The following AGO1 variants were observed in gnomAD, a reference collection of about 807,000 sequenced individuals.
The protein encoded by AGO1 is protein argonaute-1.
AGO1 carries 11 observed loss-of-function variants against 109.2 expected under a neutral mutation model. The ratio of observed to expected loss-of-function variants is 0.10; its 90% CI spans 0.06 to 0.17. The LOEUF is 0.17. AGO1 is among the 10% of genes least tolerant of loss of function. The pLI, the probability that AGO1 is intolerant of heterozygous loss-of-function variation, is 1.00. For synonymous variants in AGO1, 422 were observed against 418.6 expected (o/e 1.01, Z -0.10); for missense variants, 574 against 1,140.3 (o/e 0.50, Z 7.15).
upstream of AGO1, chr1:35,883,159 C>A (rs547921358): frequency 4.4e-6 from 5 of 1,136,326 alleles, no homozygotes; most frequent in African/African-American, 4.9e-5. The surrounding 1 kb of genome is among the most constrained non-coding windows in gnomAD (Gnocchi z 5.4). Context: ...CGGAGCGCCC[C>A]GCTTGACTCG....
intron 12 of AGO1, 75 bp from the exon 13 acceptor site, chr1:35,913,765 CAT>C: frequency 1.3e-6 from 2 of 1,485,168 alleles, no homozygotes. Flanking sequence ...CCTAGCACCT[CAT>C]ACACTGCCTG....
At chr1:35,882,019 ACATGT>A (rs1645042359), upstream of AGO1, among the ~76,000 whole-genome samples, 1 of 152,246 alleles carries the variant, frequency 6.6e-6, no homozygotes, top group African/African-American at 2.4e-5. This position sits in a 1 kb window ranked among gnomAD's most constrained non-coding sequence, Gnocchi z 5.1. Context: ...CAGAAGGTAA[ACATGT>A]CAAGACGTGG....
In AGO1 at chr1:35,888,419, TC is replaced by T; in HGVS notation, c.26-7del. On this transcript the variant is annotated splice_region_variant and splice_polypyrimidine_tract_variant and intron_variant, in intron 1 of 18. Coordinates refer to ENST00000373204, the MANE Select transcript of AGO1 (RefSeq NM_012199.5). The surrounding 1 kb of genome is among the most constrained non-coding windows in gnomAD (Gnocchi z 4.1). ...GACTTTACCCTCACCAGCCTCTTTGTCTTGTAGCTGCGGGCGCTTACCTGCC... is the reference window on the plus strand; with the variant it reads ...GACTTTACCCTCACCAGCCTCTTTGTTTGTAGCTGCGGGCGCTTACCTGCC... 6.2e-7 allele frequency: 1 copy of T among 1,613,698 alleles called. No individual in the cohort carries two copies. Among genetic ancestry groups the T allele is most frequent in the Non-Finnish European group, 8.5e-7 (1 of 1,179,776 alleles).
At position 35,888,464 on chromosome 1, in the gene AGO1, C is replaced by A. The variant is rs76388453; in HGVS notation, c.63C>A (p.Phe21Leu). 6.2e-7 allele frequency: 1 copy of A among 1,614,200 alleles called. No homozygotes were observed. The highest frequency in any genetic ancestry group is 8.5e-7 in the Non-Finnish European group (1 of 1,180,028). ...GAYLPPLQQV[F>L]QAPRRPGIGT... is the part of the protein sequence containing the mutation. ...ACCTGCCCCCCCTGCAGCAGGTGTT[C>A]CAGGCACCTCGCCGGCCTGGCATTG... is the stretch of plus-strand genomic sequence containing the variant. The change falls in exon 2 of 19, where the codon TTC (phenylalanine) becomes TTA (leucine). Residue 21 changes from phenylalanine (F) to leucine (L), a missense_variant. By Grantham distance (22) the Phe-to-Leu change is conservative. This residue lies in a region of AGO1 where 89 missense variants were observed against 109.6 expected (regional missense o/e 0.81). Transcript: ENST00000373204. This position sits in a 1 kb window ranked among gnomAD's most constrained non-coding sequence, Gnocchi z 4.1.
intron 15 of AGO1, 70 bp from the exon 16 acceptor site, chr1:35,917,523 T>G: frequency 6.5e-7 from 1 of 1,538,394 alleles, no homozygotes; most frequent in Admixed American, 1.8e-5. Flanking sequence ...ACTCCTTAGT[T>G]CAGAAGGGTA....
chr1:35,878,038 A>G (rs1035690218), intron 1 of AGO1, among the ~76,000 whole-genome samples: 2 of 151,182 alleles, frequency 1.3e-5, no homozygotes, highest in Non-Finnish European at 2.9e-5. Context: ...GGGGTTAAAT[A>G]TATTACTAAA....
intron 12 of AGO1, among the ~76,000 whole-genome samples, chr1:35,913,156 A>T (rs1352114712): frequency 1.3e-5 from 2 of 152,006 alleles, no homozygotes; most frequent in Non-Finnish European, 2.9e-5. Flanking sequence ...AGTAGCTGGG[A>T]CTACAGGCGC....
rs1645426594 is a variant in AGO1 at position 35,902,069 on chromosome 1, G to A, written c.1262G>A (p.Arg421Gln). The change falls in exon 10 of 19, where the codon CGG (arginine) becomes CAG (glutamine). Residue 421 changes from arginine to glutamine, a missense_variant and splice_region_variant. Arg to Gln is a conservative substitution (Grantham distance 43, BLOSUM62 1). This residue lies in a region of AGO1 where 106 missense variants were observed against 147.8 expected (regional missense o/e 0.72). Coordinates refer to ENST00000373204, the MANE Select transcript of AGO1 (RefSeq NM_012199.5). ...LPAPILQYGG[R>Q]NRAIATPNQG... Reference sequence around the variant, plus strand: ...GCGCCCATCTTGCAGTACGGCGGCCGGGTGAGCAGGGTCAGGGCCAGACAA... The same window carrying A: ...GCGCCCATCTTGCAGTACGGCGGCCAGGTGAGCAGGGTCAGGGCCAGACAA... The A allele has an allele frequency of 1.9e-6, 3 of 1,599,468 alleles. No homozygotes were observed. The highest frequency in any genetic ancestry group is 2.6e-6 in the Non-Finnish European group (3 of 1,172,634).
chr1:35,876,710 GA>G (rs1644995917), intron 1 of AGO1, among the ~76,000 whole-genome samples: 1 of 152,220 alleles, frequency 6.6e-6, no homozygotes, highest in Non-Finnish European at 1.5e-5. Context: ...GACAGTGTTT[GA>G]GAGGATTGAC....
intron 8 of AGO1, among the ~76,000 whole-genome samples, chr1:35,895,901 C>G (rs904956203): frequency 6.6e-6 from 1 of 152,242 alleles, no homozygotes; most frequent in Non-Finnish European, 1.5e-5. Flanking sequence ...TCGTCCAATG[C>G]TACTCAAAAA....
At chr1:35,914,303 AG>A (rs1313215280) in intron 14 of AGO1, 29 bp downstream of exon 14, 1 of 1,585,602 alleles carries the variant, frequency 6.3e-7, no homozygotes, top group Admixed American at 1.7e-5. Context: ...CTGCCTCATA[AG>A]GTTCTCCTCT....
At chr1:35,896,474 T>C (rs948657310) in intron 8 of AGO1, among the ~76,000 whole-genome samples, 1 of 151,548 alleles carries the variant, frequency 6.6e-6, no homozygotes, top group Non-Finnish European at 1.5e-5. Flanking sequence ...GCAATTCTCA[T>C]GCCTCAGCCT....
chr1:35,870,429 G>A (rs1644939586), intron 1 of AGO1, among the ~76,000 whole-genome samples: 1 of 151,912 alleles, frequency 6.6e-6, no homozygotes, highest in Admixed American at 6.6e-5. Flanking sequence ...GACTATAGGC[G>A]CCCGCCACCA....
chr1:35,890,939 AAGG>A (rs1241944760), intron 2 of AGO1, among the ~76,000 whole-genome samples: 1 of 152,190 alleles, frequency 6.6e-6, no homozygotes, highest in Non-Finnish European at 1.5e-5. Context: ...TATAAGAAGA[AAGG>A]AGAAAAATTG....
At position 35,919,102 on chromosome 1, in the gene AGO1, T is replaced by C. The variant is rs1416482791; in HGVS notation, c.2313T>C (p.Arg771=). Residue 771 remains arginine (R), a synonymous_variant, in exon 18 of 19, where the codon CGT becomes CGC. Coordinates refer to ENST00000373204, the MANE Select transcript of AGO1 (RefSeq NM_012199.5). This position sits in a 1 kb window ranked among gnomAD's most constrained non-coding sequence, Gnocchi z 6.6. Reference sequence around the variant, plus strand: ...ACTATGTTCTTTGGGATGACAACCGTTTCACAGCAGATGAGCTCCAGATCC... The same window carrying C: ...ACTATGTTCTTTGGGATGACAACCGCTTCACAGCAGATGAGCTCCAGATCC... ...SHYYVLWDDN[R]FTADELQILT... is the part of the protein sequence containing the mutation. The C allele has an allele frequency of 1.2e-6, 2 of 1,614,092 alleles. No individual in the cohort carries two copies. Among genetic ancestry groups the C allele is most frequent in the East Asian group, 2.2e-5 (1 of 44,876 alleles).
intron 1 of AGO1, among the ~76,000 whole-genome samples, chr1:35,884,713 G>A (rs1212588938): frequency 6.6e-6 from 1 of 152,078 alleles, no homozygotes; most frequent in African/African-American, 2.4e-5. Flanking sequence ...TTATTTGCAG[G>A]CAATGAGGAG....
chr1:35,911,864 C>G (rs576770675), intron 12 of AGO1, among the ~76,000 whole-genome samples: 26 of 152,280 alleles, frequency 1.7e-4, no homozygotes, highest in African/African-American at 6.3e-4. Flanking sequence ...ACTTTGTTGA[C>G]CACTTGCTCC....
At chr1:35,912,360 G>GAAAAA (rs753525049) in intron 12 of AGO1, among the ~76,000 whole-genome samples, 2 of 40,602 alleles carry the variant, frequency 4.9e-5, no homozygotes, top group East Asian at 7.2e-4. Context: ...CTCTGTCTCA[G>GAAAAA]AAAAAAAAAA....
Position 35,919,714 on chromosome 1 carries a change from G to C in AGO1, c.*107G>C. The C allele has an allele frequency of 9.5e-7, 1 of 1,053,446 alleles. No individual in the cohort carries two copies. Among genetic ancestry groups the C allele is most frequent in the African/African-American group, 1.6e-5 (1 of 63,756 alleles). 65.3% of individuals were successfully genotyped at this position (1,053,446 alleles called of 1,614,324 possible). On this transcript the variant is annotated 3_prime_UTR_variant, in exon 19 of 19. Transcript: ENST00000373204. This position sits in a 1 kb window ranked among gnomAD's most constrained non-coding sequence, Gnocchi z 6.6. ...AGGAGGAGGGAGGTGGGGTAGGGAGGAGTGTAGGATGCCTTGTTTCCTTCT... is the reference window on the plus strand; with the variant it reads ...AGGAGGAGGGAGGTGGGGTAGGGAGCAGTGTAGGATGCCTTGTTTCCTTCT...
Sources: allele counts gnomAD v4.1 joint callset (sites outside exome capture counted in the v4.1 genomes callset), GRCh38; gene constraint gnomAD v4.1.1; regional missense constraint gnomAD v4.1.1; non-coding constraint Gnocchi (gnomAD v3.1); transcripts MANE v1.5; gene names NCBI Gene and HGNC (gene_info 2026-07-23, HGNC 2026-07-21).